TPTE: variants seen among roughly 807,000 people sequenced by gnomAD.
The protein encoded by TPTE is transmembrane phosphatase with tensin homology, also known as putative tyrosine-protein phosphatase TPTE.
A neutral mutation model predicts 84.1 loss-of-function variants in TPTE; 59 were observed. That is an observed-to-expected ratio of 0.70 (90% CI 0.57 to 0.87). The LOEUF (loss-of-function observed/expected upper bound fraction) is 0.87. Among genes scored for constraint, TPTE ranks in the 40% least tolerant of loss-of-function variants. The pLI is 0.00. For synonymous variants in TPTE, 130 were observed against 223.5 expected (o/e 0.58, Z 3.73); for missense variants, 382 against 659.6 (o/e 0.58, Z 4.61).
chr21:10,600,103 CATT>C (rs147445183), intron 21 of TPTE, among the ~76,000 whole-genome samples: 13,626 of 130,014 alleles, frequency 0.1, no homozygotes, highest in Middle Eastern at 0.12. Flanking sequence ...CGCTGCCCGA[CATT>C]ATTTGTTGTT....
At chr21:10,572,450 C>CAAAAAAAAAAAAAAAAA (rs58796102) in intron 14 of TPTE, among the ~76,000 whole-genome samples, 1 of 131,986 alleles carries the variant, frequency 7.6e-6, no homozygotes, top group Admixed American at 7.2e-5. Context: ...AGACTGTATC[C>CAAAAAAAAAAAAAAAAA]AAAAAAAAAA....
intron 10 of TPTE, among the ~76,000 whole-genome samples, chr21:10,563,962 T>A (rs1435253032): frequency 6.6e-6 from 1 of 152,312 alleles, no homozygotes; most frequent in Non-Finnish European, 1.5e-5. Context: ...CAGACCATCC[T>A]GGCAAACATG....
chr21:10,549,367 A>G (rs1200407677), intron 7 of TPTE, among the ~76,000 whole-genome samples: 2 of 152,304 alleles, frequency 1.3e-5, no homozygotes. Context: ...CCAGTAATAG[A>G]ACCTAATCAT....
rs1177952621 is a variant in TPTE, at chr21:10,527,423, T to C, written c.-44+11T>C. The C allele has an allele frequency of 6.5e-6, 1 of 152,730 alleles. No individual in the cohort carries two copies. The highest frequency in any genetic ancestry group is 1.5e-5 in the Non-Finnish European group (1 of 68,072). The allele number at this position is 152,730 out of a possible 1,614,324, so 9.5% of individuals were successfully genotyped here. On this transcript the variant is annotated intron_variant, in intron 3 of 23. Coordinates refer to ENST00000618007, the MANE Select transcript of TPTE (RefSeq NM_199261.4). ...CTATGACCACAATGGGTGAGTTGACTGATCTAAGTGGTGAAAAATACTGGG... is the reference window on the plus strand; with the variant it reads ...CTATGACCACAATGGGTGAGTTGACCGATCTAAGTGGTGAAAAATACTGGG...
intron 17 of TPTE, among the ~76,000 whole-genome samples, chr21:10,583,704 C>A (rs938304943): frequency 1.3e-5 from 2 of 152,302 alleles, no homozygotes; most frequent in African/African-American, 2.4e-5. Context: ...AGGTTCATTC[C>A]TTTTAAAATT....
intron 10 of TPTE, among the ~76,000 whole-genome samples, chr21:10,563,235 G>T (rs1320839539): frequency 6.6e-6 from 1 of 152,306 alleles, no homozygotes; most frequent in Non-Finnish European, 1.5e-5. Flanking sequence ...CACCAGACCT[G>T]TCCTAGAAGA....
intron 11 of TPTE, among the ~76,000 whole-genome samples, chr21:10,569,137 A>G (rs1207585637): frequency 6.6e-6 from 1 of 152,312 alleles, no homozygotes; most frequent in African/African-American, 2.4e-5. Flanking sequence ...CATTACTGAC[A>G]TTTTGGGCCA....
chr21:10,603,679 CTATG>C, intron 23 of TPTE, 47 bp downstream of exon 23: 2 of 1,595,980 alleles, frequency 1.3e-6, no homozygotes, highest in Non-Finnish European at 1.7e-6. Flanking sequence ...TCTTCAATGT[CTATG>C]TATAAGGTGT....
chr21:10,554,167 A>G (rs1374696970), intron 8 of TPTE, among the ~76,000 whole-genome samples: 1 of 152,310 alleles, frequency 6.6e-6, no homozygotes, highest in Non-Finnish European at 1.5e-5. Context: ...ATTCATGTGC[A>G]CTTACAACAT....
intron 7 of TPTE, among the ~76,000 whole-genome samples, chr21:10,547,366 C>T (rs1211869909): frequency 1.3e-5 from 2 of 152,304 alleles, no homozygotes; most frequent in African/African-American, 2.4e-5. Flanking sequence ...CCTGTGCAGC[C>T]CCTTCTGCCC....
At chr21:10,563,966 A>G (rs566581770) in intron 10 of TPTE, among the ~76,000 whole-genome samples, 121 of 152,356 alleles carry the variant, frequency 7.9e-4, no homozygotes, top group African/African-American at 2.8e-3. Flanking sequence ...CCATCCTGGC[A>G]AACATGGTGA....
chr21:10,588,474 G>A (rs1305013648), intron 17 of TPTE, among the ~76,000 whole-genome samples: 1 of 152,306 alleles, frequency 6.6e-6, no homozygotes, highest in Admixed American at 6.5e-5. Flanking sequence ...TGGATAGTCT[G>A]GTGAGTATAT....
At chr21:10,543,014 C>CTT (rs1051322060) in intron 6 of TPTE, among the ~76,000 whole-genome samples, 1,230 of 72,324 alleles carry the variant, frequency 0.017, 160 homozygotes, top group East Asian at 0.021. Flanking sequence ...TGACTGTATT[C>CTT]TTTTTTTTTT....
chr21:10,528,705 TA>T (rs1352060988), intron 3 of TPTE, among the ~76,000 whole-genome samples: 4 of 152,428 alleles, frequency 2.6e-5, no homozygotes, highest in Non-Finnish European at 4.4e-5. Flanking sequence ...GTCACCAAAA[TA>T]TTTTTTTATA....
intron 2 of TPTE, among the ~76,000 whole-genome samples, chr21:10,525,178 T>C (rs2074056643): frequency 1.3e-5 from 2 of 152,308 alleles, no homozygotes; most frequent in South Asian, 4.1e-4. Context: ...ATTATTACAG[T>C]GAAGGTCACA....
At chr21:10,572,591 A>T (rs1170755320) in intron 14 of TPTE, among the ~76,000 whole-genome samples, 1 of 152,260 alleles carries the variant, frequency 6.6e-6, no homozygotes. Context: ...AGATGGGATG[A>T]TATATTCAAA....
chr21:10,561,851 G>A (rs375417067), intron 10 of TPTE, among the ~76,000 whole-genome samples: 109 of 152,394 alleles, frequency 7.2e-4, no homozygotes, highest in African/African-American at 2.5e-3. Flanking sequence ...CTGTTTTTAC[G>A]ATGTGATGAC....
At chr21:10,527,827 G>C (rs1254726543) in intron 3 of TPTE, among the ~76,000 whole-genome samples, 1 of 152,308 alleles carries the variant, frequency 6.6e-6, no homozygotes, top group East Asian at 1.9e-4. Flanking sequence ...CCTGCCTCAG[G>C]TTTAGTCACT....
chr21:10,542,743 G>A (rs1298627078), intron 6 of TPTE, among the ~76,000 whole-genome samples: 2 of 152,302 alleles, frequency 1.3e-5, no homozygotes, highest in Non-Finnish European at 2.9e-5. Context: ...TGGCCATAGA[G>A]ATTTTTTTTT....
Sources: allele counts gnomAD v4.1 joint callset (sites outside exome capture counted in the v4.1 genomes callset), GRCh38; gene constraint gnomAD v4.1.1; transcripts MANE v1.5; gene names NCBI Gene and HGNC (gene_info 2026-07-23, HGNC 2026-07-21).